The following SSBP2 variants were observed in gnomAD, a reference collection of about 807,000 sequenced individuals.
The protein encoded by SSBP2 is single stranded DNA binding protein 2.
Under a neutral mutation model 61.8 loss-of-function variants are expected in SSBP2, and 17 were observed. The observed-to-expected ratio is 0.28, with a 90% CI of 0.19 to 0.41. The LOEUF (loss-of-function observed/expected upper bound fraction) is 0.41. Among genes scored for constraint, SSBP2 ranks in the 10% least tolerant of loss-of-function variants. SSBP2 has a pLI of 1.00. For missense variants in SSBP2, 310 were observed against 458.7 expected, an observed-to-expected ratio of 0.68 and a Z score of 2.96; for synonymous variants, 139 against 141.3, an observed-to-expected ratio of 0.98 and a Z score of 0.12.
At chr5:81,622,637 T>A (rs1463613690) in intron 3 of SSBP2, among the ~76,000 whole-genome samples, 1 of 152,252 alleles carries the variant, frequency 6.6e-6, no homozygotes, top group African/African-American at 2.4e-5. Context: ...ATAATTAGTT[T>A]GCATGAAAGC....
intron 1 of SSBP2, among the ~76,000 whole-genome samples, chr5:81,665,669 T>C (rs1751050803): frequency 6.6e-6 from 1 of 152,066 alleles, no homozygotes; most frequent in Non-Finnish European, 1.5e-5. Flanking sequence ...AATTTTTTAT[T>C]ATTATTAGTA....
Position 81,446,858 on chromosome 5 carries a change from A to G in SSBP2, c.778+10T>C. The G allele has an allele frequency of 6.2e-7, 1 of 1,606,622 alleles. No individual in the cohort carries two copies. The highest frequency in any genetic ancestry group is 1.1e-5 in the South Asian group (1 of 89,282). ...ATCAAATGCCCATGTGGCTAGTTTGATTACAATACCTGCTGGACTAGGCAT... is the reference window on the plus strand; with the variant it reads ...ATCAAATGCCCATGTGGCTAGTTTGGTTACAATACCTGCTGGACTAGGCAT... On this transcript the variant is annotated intron_variant, in intron 12 of 16. Coordinates refer to ENST00000320672, the MANE Select transcript of SSBP2 (RefSeq NM_012446.5).
chr5:81,668,107 G>A (rs1751298849), intron 1 of SSBP2, among the ~76,000 whole-genome samples: 1 of 151,934 alleles, frequency 6.6e-6, no homozygotes, highest in Non-Finnish European at 1.5e-5. Flanking sequence ...CGTGCTGGGA[G>A]GACACAGTGG....
chr5:81,635,325 T>C (rs1259595332), intron 3 of SSBP2, among the ~76,000 whole-genome samples: 2 of 152,202 alleles, frequency 1.3e-5, no homozygotes, highest in Admixed American at 1.3e-4. Flanking sequence ...GAAGATAAAC[T>C]TATTTCACTA....
At chr5:81,588,704 T>C (rs1775263145) in intron 4 of SSBP2, among the ~76,000 whole-genome samples, 1 of 152,166 alleles carries the variant, frequency 6.6e-6, no homozygotes, top group South Asian at 2.1e-4. Context: ...GAAACAGCTA[T>C]AGAGTCACCA....
chr5:81,480,527 T>C (rs1765908925), intron 6 of SSBP2, among the ~76,000 whole-genome samples: 1 of 152,228 alleles, frequency 6.6e-6, no homozygotes, highest in Admixed American at 6.5e-5. Flanking sequence ...GAAGTCTTGA[T>C]GGTTGCTGAC....
intron 4 of SSBP2, among the ~76,000 whole-genome samples, chr5:81,584,591 A>G (rs1774925417): frequency 6.6e-6 from 1 of 152,182 alleles, no homozygotes; most frequent in Non-Finnish European, 1.5e-5. Flanking sequence ...AGGCCAAACA[A>G]GTATCCTATG....
intron 5 of SSBP2, among the ~76,000 whole-genome samples, 188 bp downstream of exon 5, chr5:81,513,440 A>AAT: frequency 6.6e-6 from 1 of 152,292 alleles, no homozygotes; most frequent in South Asian, 2.1e-4. Context: ...ATAAATACAT[A>AAT]ATCTAATAAC....
At chr5:81,582,570 C>T (rs1048609330) in intron 4 of SSBP2, among the ~76,000 whole-genome samples, 8 of 151,994 alleles carry the variant, frequency 5.3e-5, no homozygotes, top group African/African-American at 1.9e-4. Flanking sequence ...TGATAGTAAA[C>T]ATAATCAGAG....
At chr5:81,631,446 T>C (rs763842354) in intron 3 of SSBP2, among the ~76,000 whole-genome samples, 13 of 150,730 alleles carry the variant, frequency 8.6e-5, no homozygotes, top group African/African-American at 2.2e-4. Context: ...TAAACCGTAC[T>C]GAGTAAGAAA....
At position 81,720,427 on chromosome 5, in the gene SSBP2, G is replaced by A. The variant is rs564825003; in HGVS notation, c.62+30554C>T. 2.6e-5 allele frequency among the ~76,000 whole-genome samples: 4 copies of A among 152,278 alleles called. No homozygotes were observed. The East Asian group carries it at 5.8e-4, about 22-fold the overall frequency. On this transcript the variant is annotated intron_variant, in intron 1 of 16. Coordinates refer to ENST00000320672, the MANE Select transcript of SSBP2 (RefSeq NM_012446.5). Reference sequence around the variant, plus strand: ...TGACATGGTCTTTGCTACAACTTCTGAGAAAGTCATACTACTGCTGTCAGA... The same window carrying A: ...TGACATGGTCTTTGCTACAACTTCTAAGAAAGTCATACTACTGCTGTCAGA...
chr5:81,463,648 C>T (rs986876198), intron 9 of SSBP2, among the ~76,000 whole-genome samples: 2 of 151,892 alleles, frequency 1.3e-5, no homozygotes, highest in African/African-American at 2.4e-5. Flanking sequence ...TGCAGTGAGC[C>T]GAGATCATGC....
chr5:81,604,953 ATTAG>A (rs1744737772), intron 4 of SSBP2, among the ~76,000 whole-genome samples: 1 of 152,182 alleles, frequency 6.6e-6, no homozygotes, highest in Admixed American at 6.5e-5. Context: ...AAATGAAAAT[ATTAG>A]TTGAGAAATT....
In SSBP2 at chr5:81,647,114, G is replaced by A. The variant is rs78247723; in HGVS notation, c.135+3153C>T. On this transcript the variant is annotated intron_variant, in intron 2 of 16. Coordinates refer to ENST00000320672, the MANE Select transcript of SSBP2 (RefSeq NM_012446.5). ...CATCTTTTAAGTTCAGATAATTTAC[G>A]AGAATATATTTTCTCTTCTTTAGTT... Among the ~76,000 whole-genome samples the A allele has an allele frequency of 2.3e-3, 355 of 152,170 alleles. 4 individuals carry two copies. The East Asian group carries it at 0.033, about 14-fold the overall frequency.
intron 1 of SSBP2, among the ~76,000 whole-genome samples, chr5:81,710,262 A>T (rs115067716): frequency 0.017 from 2,615 of 152,140 alleles, 83 homozygotes; most frequent in African/African-American, 0.06. Flanking sequence ...CTAATTAGAT[A>T]CCTTGGAAGA....
At chr5:81,751,279 C>T, upstream of SSBP2, 2 of 570,716 alleles carry the variant, frequency 3.5e-6, no homozygotes, top group Non-Finnish European at 6.3e-6. Context: ...TCCCTCCTTC[C>T]CTCCCTCCCC....
chr5:81,659,992 T>A (rs1210281561), intron 1 of SSBP2, among the ~76,000 whole-genome samples: 1 of 152,090 alleles, frequency 6.6e-6, no homozygotes, highest in East Asian at 1.9e-4. Context: ...ACTAGACCCC[T>A]TCCTTACACC....
intron 3 of SSBP2, among the ~76,000 whole-genome samples, chr5:81,624,695 T>A (rs767701873): frequency 6.6e-6 from 1 of 152,178 alleles, no homozygotes; most frequent in Non-Finnish European, 1.5e-5. Context: ...CCAAAATATA[T>A]GATTTTAGTC....
intron 1 of SSBP2, among the ~76,000 whole-genome samples, chr5:81,690,049 T>C (rs1753090396): frequency 6.6e-6 from 1 of 152,074 alleles, no homozygotes; most frequent in Non-Finnish European, 1.5e-5. Context: ...GGTTATAAGA[T>C]ATTATTTGCA....
Sources: allele counts gnomAD v4.1 joint callset (sites outside exome capture counted in the v4.1 genomes callset), GRCh38; gene constraint gnomAD v4.1.1; transcripts MANE v1.5; gene names NCBI Gene and HGNC (gene_info 2026-07-23, HGNC 2026-07-21).